HTRA3: variants seen among roughly 807,000 people sequenced by gnomAD.
HTRA3 encodes serine protease HTRA3.
Under a neutral mutation model 43.2 loss-of-function variants are expected in HTRA3, and 41 were observed. The observed-to-expected ratio is 0.95, with a 90% confidence interval of 0.74 to 1.23. The LOEUF (loss-of-function observed/expected upper bound fraction) is 1.23, where lower values mean the gene tolerates loss of function less well. Among genes scored for constraint, HTRA3 ranks in the 50% most tolerant of loss-of-function variants. HTRA3 has a pLI of 0.00. For missense variants in HTRA3, 628 were observed against 647.1 expected (o/e 0.97, Z 0.32); for synonymous variants, 295 against 287.9 (o/e 1.02, Z -0.25).
At position 8,286,565 on chromosome 4, in the gene HTRA3, C is replaced by G; in HGVS notation, c.490C>G (p.Pro164Ala). The G allele has an allele frequency of 6.2e-7, 1 of 1,613,536 alleles. No homozygotes were observed. Among genetic ancestry groups the G allele is most frequent in the Non-Finnish European group, 8.5e-7 (1 of 1,179,930 alleles). Residue 164 changes from proline (P) to alanine (A), a missense_variant, in exon 3 of 9, where the codon CCG becomes GCG. Physicochemically the swap from Pro to Ala is conservative, Grantham distance 27. Coordinates refer to ENST00000307358, the MANE Select transcript of HTRA3 (RefSeq NM_053044.5). This position sits in a 1 kb window ranked among gnomAD's most constrained non-coding sequence, Gnocchi z 4.9. ...VVHIELFLRHPLFGRNVPLSS... is the reference protein window; with the variant it reads ...VVHIELFLRHALFGRNVPLSS... Reference sequence around the variant, plus strand: ...CCTGTGTCTCCCTGGCTGCAGACACCCGCTGTTTGGCCGCAACGTGCCCCT... The same window carrying G: ...CCTGTGTCTCCCTGGCTGCAGACACGCGCTGTTTGGCCGCAACGTGCCCCT...
chr4:8,294,577 C>T lies in HTRA3; in HGVS notation c.1051+376C>T, dbSNP rs866993896. Among the ~76,000 whole-genome samples, 112 of 88,054 alleles carry T rather than the reference C, an allele frequency of 1.3e-3. 3 individuals carry two copies. In the Middle Eastern group the frequency reaches 0.032, roughly 25 times the overall value. The allele number at this position is 88,054 out of a possible 152,430, so 57.8% of individuals were successfully genotyped here. Reference sequence around the variant, plus strand: ...GTTTCTTTCCTTCTATCCGTCCGTCCGTCCGTCCATCCATCCATCCATCCA... The same window carrying T: ...GTTTCTTTCCTTCTATCCGTCCGTCTGTCCGTCCATCCATCCATCCATCCA... On this transcript the variant is annotated intron_variant, in intron 6 of 8. Transcript: ENST00000307358.
At chr4:8,302,710 C>G (rs1441943525) in intron 7 of HTRA3, among the ~76,000 whole-genome samples, 199 bp downstream of exon 7, 2 of 152,276 alleles carry the variant, frequency 1.3e-5, no homozygotes, top group African/African-American at 4.8e-5. Context: ...TCCTTCTGCT[C>G]TTTCAGGACG....
intron 1 of HTRA3, among the ~76,000 whole-genome samples, chr4:8,277,173 G>A (rs559797401): frequency 6.6e-6 from 1 of 152,268 alleles, no homozygotes; most frequent in Admixed American, 6.5e-5. Context: ...GGCTTGTGGG[G>A]GCACGGTTCA....
At chr4:8,278,316 G>A (rs1712610225) in intron 1 of HTRA3, among the ~76,000 whole-genome samples, 1 of 151,530 alleles carries the variant, frequency 6.6e-6, no homozygotes, top group Non-Finnish European at 1.5e-5. Flanking sequence ...CTAGCCTCGG[G>A]CCTTGATTGC....
Position 8,291,481 on chromosome 4 carries a change from G to A in HTRA3, c.820G>A (p.Val274Ile), listed in dbSNP as rs369645804. Residue 274 changes from valine to isoleucine, a missense_variant, in exon 4 of 9, where the codon GTC (valine) becomes ATC (isoleucine). Coordinates refer to ENST00000307358, the MANE Select transcript of HTRA3 (RefSeq NM_053044.5). ...ALQNTVTTGI[V>I]STAQREGREL... ...ACAGAACACAGTGACAACGGGCATCGTCAGCACTGCCCAGCGGGAGGGCAG... is the reference window on the plus strand; with the variant it reads ...ACAGAACACAGTGACAACGGGCATCATCAGCACTGCCCAGCGGGAGGGCAG... 28 of 1,613,046 alleles carry A rather than the reference G, an allele frequency of 1.7e-5. No homozygotes were observed. The highest frequency in any genetic ancestry group is 1.5e-4 in the African/African-American group (11 of 75,056).
Position 8,279,026 on chromosome 4 carries a change from C to T in HTRA3, c.386-3411C>T, listed in dbSNP as rs569548018. 2.8e-4 allele frequency among the ~76,000 whole-genome samples: 43 copies of T among 152,194 alleles called. No individual in the cohort carries two copies. The highest frequency in any genetic ancestry group is 9.6e-4 in the African/African-American group (40 of 41,510). On this transcript the variant is annotated intron_variant, in intron 1 of 8. Transcript: ENST00000307358. This position sits in a 1 kb window ranked among gnomAD's most constrained non-coding sequence, Gnocchi z 7.4. ...CCTCCTCCCCCTCCATCCCTTCCCT[C>T]TGAAATGTCTCAGCGGCTGTCTCAC... is the stretch of plus-strand genomic sequence containing the variant.
intron 1 of HTRA3, among the ~76,000 whole-genome samples, chr4:8,272,924 C>T (rs1210484789): frequency 6.6e-6 from 1 of 152,170 alleles, no homozygotes; most frequent in Non-Finnish European, 1.5e-5. Context: ...CACTGTAGCC[C>T]GGTGCACGGG....
At chr4:8,274,197 A>T (rs1712425704) in intron 1 of HTRA3, among the ~76,000 whole-genome samples, 1 of 152,134 alleles carries the variant, frequency 6.6e-6, no homozygotes, top group Non-Finnish European at 1.5e-5. Context: ...TCATGGCCTC[A>T]CCGGTCTCTT....
At position 8,282,496 on chromosome 4, in the gene HTRA3, A is replaced by G; in HGVS notation, c.445A>G (p.Lys149Glu). 3 of 1,614,060 alleles carry G rather than the reference A, an allele frequency of 1.9e-6. No individual in the cohort carries two copies. The highest frequency in any genetic ancestry group is 1.7e-6 in the Non-Finnish European group (2 of 1,179,982). ...KFNFIADVVE[K>E]IAPAVVHIEL... ...CAACTTCATTGCTGACGTGGTGGAG[A>G]AGATCGCACCAGCCGTGGTCCACAT... The change falls in exon 2 of 9, where the codon AAG becomes GAG. Residue 149 changes from lysine to glutamate, a missense_variant. Coordinates refer to ENST00000307358, the MANE Select transcript of HTRA3 (RefSeq NM_053044.5).
chr4:8,286,788 G>T lies in HTRA3; in HGVS notation c.708+5G>T. ...ACCATCAAGATCCATCCCAAGGTGG[G>T]TGGGCGTGGGTGGAGGGGCGGAAGC... is the stretch of plus-strand genomic sequence containing the variant. On this transcript the variant is annotated splice_donor_5th_base_variant and intron_variant, in intron 3 of 8. Coordinates refer to ENST00000307358, the MANE Select transcript of HTRA3 (RefSeq NM_053044.5). This position sits in a 1 kb window ranked among gnomAD's most constrained non-coding sequence, Gnocchi z 4.9. 6.2e-7 allele frequency: 1 copy of T among 1,605,566 alleles called. No individual in the cohort carries two copies. The highest frequency in any genetic ancestry group is 1.1e-5 in the South Asian group (1 of 90,886).
chr4:8,298,310 T>C (rs115628282), intron 6 of HTRA3, among the ~76,000 whole-genome samples: 1,760 of 152,376 alleles, frequency 0.012, 24 homozygotes, highest in African/African-American at 0.041. Context: ...TGTTCATCTT[T>C]GGTGTGTTTA....
intron 1 of HTRA3, among the ~76,000 whole-genome samples, chr4:8,272,004 G>A (rs1712297862): frequency 6.6e-6 from 1 of 152,214 alleles, no homozygotes; most frequent in Non-Finnish European, 1.5e-5. Context: ...CTGCTGCACT[G>A]TCACAGTGGC....
In HTRA3 at chr4:8,286,486, A is replaced by C. The variant is rs1712970534; in HGVS notation, c.486-75A>C. ...ACACTGGCTCTGCTCCTCGCTGACC[A>C]GCCCCACCACTGCGCCTGACTCCCC... On this transcript the variant is annotated intron_variant, in intron 2 of 8. Transcript: ENST00000307358. This position sits in a 1 kb window ranked among gnomAD's most constrained non-coding sequence, Gnocchi z 4.9. 35 of 1,198,946 alleles carry C rather than the reference A, an allele frequency of 2.9e-5. No individual in the cohort carries two copies. In the South Asian group the frequency reaches 4.6e-4, roughly 16 times the overall value. The allele number at this position is 1,198,946 out of a possible 1,614,324, so 74.3% of individuals were successfully genotyped here. A position where few individuals can be genotyped will look rare whatever the true frequency, so the allele number is the denominator to read the frequency against.
Position 8,286,594 on chromosome 4 carries a change from C to A in HTRA3, c.519C>A (p.Ser173=), listed in dbSNP as rs990865121. 9.9e-6 allele frequency: 16 copies of A among 1,614,006 alleles called. No individual in the cohort carries two copies. Among genetic ancestry groups the A allele is most frequent in the African/African-American group, 1.3e-5 (1 of 74,904 alleles). ...TGTTTGGCCGCAACGTGCCCCTGTC[C>A]AGCGGTTCTGGCTTCATCATGTCAG... ...HPLFGRNVPL[S]SGSGFIMSEA... The change falls in exon 3 of 9, where the codon TCC becomes TCA. Residue 173 remains serine, a synonymous_variant. Coordinates refer to ENST00000307358, the MANE Select transcript of HTRA3 (RefSeq NM_053044.5). The surrounding 1 kb of genome is among the most constrained non-coding windows in gnomAD (Gnocchi z 4.9).
chr4:8,288,949 T>A (rs10000359), intron 3 of HTRA3, among the ~76,000 whole-genome samples: 1 of 117,760 alleles, frequency 8.5e-6, no homozygotes, highest in Non-Finnish European at 1.7e-5. Flanking sequence ...TTCCTCCCCC[T>A]CTCTCTCTCT....
rs571824407 is a variant in HTRA3 at position 8,295,288 on chromosome 4, G to A, written c.1051+1087G>A. 5.3e-5 allele frequency among the ~76,000 whole-genome samples: 8 copies of A among 152,186 alleles called. No individual in the cohort carries two copies. The highest frequency in any genetic ancestry group is 1.0e-4 in the Non-Finnish European group (7 of 68,008). ...CATGGTAGAATATCCTCTATGCCAGGGGAGCAGAGTCCAATACCTCGTCTT... is the reference window on the plus strand; with the variant it reads ...CATGGTAGAATATCCTCTATGCCAGAGGAGCAGAGTCCAATACCTCGTCTT... On this transcript the variant is annotated intron_variant, in intron 6 of 8. Coordinates refer to ENST00000307358, the MANE Select transcript of HTRA3 (RefSeq NM_053044.5). This position sits in a 1 kb window ranked among gnomAD's most constrained non-coding sequence, Gnocchi z 6.9.
chr4:8,296,388 C>A lies in HTRA3; in HGVS notation c.1051+2187C>A. 1.0e-6 allele frequency: 1 copy of A among 985,482 alleles called. No homozygotes were observed. Among genetic ancestry groups the A allele is most frequent in the African/African-American group, 1.7e-5 (1 of 57,372 alleles). 61.0% of individuals were successfully genotyped at this position (985,482 alleles called of 1,614,324 possible). Reference sequence around the variant, plus strand: ...AGCCTGATAAACCTTAGCTGCATGGCACACTTGCAATTTTAAAATCCTTCT... The same window carrying A: ...AGCCTGATAAACCTTAGCTGCATGGAACACTTGCAATTTTAAAATCCTTCT... On this transcript the variant is annotated intron_variant, in intron 6 of 8. Transcript: ENST00000307358. This position sits in a 1 kb window ranked among gnomAD's most constrained non-coding sequence, Gnocchi z 5.3.
At chr4:8,292,442 A>G in intron 5 of HTRA3, 89 bp downstream of exon 5, 1 of 1,084,086 alleles carries the variant, frequency 9.2e-7, no homozygotes, top group South Asian at 1.3e-5. Flanking sequence ...CAGGGCCCAC[A>G]ATATGGTCCT....
chr4:8,302,774 A>G (rs1336330941), intron 7 of HTRA3, among the ~76,000 whole-genome samples: 1 of 152,252 alleles, frequency 6.6e-6, no homozygotes, highest in African/African-American at 2.4e-5. Context: ...GTGGCTTAAA[A>G]CAGCAGAAAT....
Sources: allele counts gnomAD v4.1 joint callset (sites outside exome capture counted in the v4.1 genomes callset), GRCh38; gene constraint gnomAD v4.1.1; non-coding constraint Gnocchi (gnomAD v3.1); transcripts MANE v1.5; gene names NCBI Gene and HGNC (gene_info 2026-07-23, HGNC 2026-07-21).